SEMA3A: variants seen among roughly 807,000 people sequenced by gnomAD.
SEMA3A encodes semaphorin-3A.
SEMA3A carries 29 observed loss-of-function variants against 97.9 expected under a neutral mutation model. The ratio of observed to expected loss-of-function variants is 0.30; its 90% CI spans 0.22 to 0.40. The LOEUF is 0.40. SEMA3A is among the 10% of genes least tolerant of loss of function. SEMA3A has a pLI of 1.00. For synonymous variants in SEMA3A, 321 were observed against 323.7 expected, an observed-to-expected ratio of 0.99 and a Z score of 0.09; for missense variants, 763 against 951.3, an observed-to-expected ratio of 0.80 and a Z score of 2.60.
intron 3 of SEMA3A, among the ~76,000 whole-genome samples, chr7:84,283,385 T>A (rs1343954595): frequency 4.6e-5 from 7 of 152,148 alleles, no homozygotes; most frequent in Admixed American, 4.6e-4. Flanking sequence ...TTCTCCTCAA[T>A]ATTTCTGTTC....
chr7:83,958,184 A>G lies in SEMA3A; in HGVS notation c.*3187T>C, dbSNP rs1788339413. The G allele has an allele frequency of 6.6e-6, 1 of 152,342 alleles. No individual in the cohort carries two copies. The highest frequency in any genetic ancestry group is 2.4e-5 in the African/African-American group (1 of 41,444). The allele number at this position is 152,342 out of a possible 1,614,324, so 9.4% of individuals were successfully genotyped here. A position where few individuals can be genotyped will look rare whatever the true frequency, so the allele number is the denominator to read the frequency against. On this transcript the variant is annotated 3_prime_UTR_variant, in exon 17 of 17. Coordinates refer to ENST00000265362, the MANE Select transcript of SEMA3A (RefSeq NM_006080.3). ...TAATTTAAAGGGCATAAAAATTCAC[A>G]TCATCACCATAAATATAGAACCCAG...
At chr7:84,403,844 G>C (rs2116222456) in intron 1 of SEMA3A, among the ~76,000 whole-genome samples, 1 of 152,288 alleles carries the variant, frequency 6.6e-6, no homozygotes, top group Admixed American at 6.5e-5. Context: ...CTGACTGTTA[G>C]AAGGAAAACT....
chr7:84,147,147 C>T (rs1434690792), intron 1 of SEMA3A, among the ~76,000 whole-genome samples: 1 of 152,046 alleles, frequency 6.6e-6, no homozygotes, highest in African/African-American at 2.4e-5. Flanking sequence ...CTACATTTTC[C>T]AGTAACAAAA....
At chr7:83,998,894 A>G (rs1284637659) in intron 12 of SEMA3A, among the ~76,000 whole-genome samples, 1 of 152,124 alleles carries the variant, frequency 6.6e-6, no homozygotes, top group Admixed American at 6.6e-5. Flanking sequence ...TCACCTCCAC[A>G]TCTTGTCCTA....
At position 84,312,921 on chromosome 7, in the gene SEMA3A, TACACAC is replaced by T. The variant is rs1323561552; in HGVS notation, c.-168-5635_-168-5630del. On this transcript the variant is annotated intron_variant, in intron 2 of 3. Coordinates refer to the SEMA3A transcript ENST00000424555. ...ATATATATATATATATATATATATA[TACACAC>T]ACACACACACACACACGTACACACA... Among the ~76,000 whole-genome samples, 31 of 32,886 alleles carry T rather than the reference TACACAC, an allele frequency of 9.4e-4. 1 individual carries two copies. Among genetic ancestry groups the T allele is most frequent in the East Asian group, 6.1e-3 (8 of 1,318 alleles). The allele number at this position is 32,886 out of a possible 152,430, so 21.6% of individuals were successfully genotyped here. A position where few individuals can be genotyped will look rare whatever the true frequency, so the allele number is the denominator to read the frequency against.
intron 2 of SEMA3A, among the ~76,000 whole-genome samples, chr7:84,326,380 T>C (rs1309970455): frequency 6.6e-6 from 1 of 152,096 alleles, no homozygotes; most frequent in Non-Finnish European, 1.5e-5. Context: ...ACAATAAATA[T>C]TTTCTTGAAT....
intron 2 of SEMA3A, among the ~76,000 whole-genome samples, chr7:84,342,034 G>A (rs1027469849): frequency 6.6e-6 from 1 of 151,446 alleles, no homozygotes; most frequent in Non-Finnish European, 1.5e-5. Flanking sequence ...TTTGTTCCTT[G>A]TCACTAATTT....
At position 84,182,034 on chromosome 7, in the gene SEMA3A, C is replaced by T. The variant is rs145784162; in HGVS notation, c.112+12441G>A. ...ATGACGTCTAGATTTCTCAGTCTGGCTTCCAAGTGTCTTCTGTTAGACAAA... is the reference window on the plus strand; with the variant it reads ...ATGACGTCTAGATTTCTCAGTCTGGTTTCCAAGTGTCTTCTGTTAGACAAA... On this transcript the variant is annotated intron_variant, in intron 1 of 16. Transcript: ENST00000265362. Among the ~76,000 whole-genome samples the T allele has an allele frequency of 1.2e-3, 183 of 152,216 alleles. 2 individuals carry two copies. The highest frequency in any genetic ancestry group is 4.4e-3 in the African/African-American group (182 of 41,560).
intron 3 of SEMA3A, among the ~76,000 whole-genome samples, chr7:84,250,663 G>A (rs1028638938): frequency 6.6e-6 from 1 of 152,146 alleles, no homozygotes; most frequent in African/African-American, 2.4e-5. Flanking sequence ...ACAAGCCAAT[G>A]TAATTTTTTT....
intron 3 of SEMA3A, among the ~76,000 whole-genome samples, chr7:84,266,663 A>G (rs1800012937): frequency 1.3e-5 from 2 of 152,216 alleles, no homozygotes; most frequent in Admixed American, 1.3e-4. Context: ...CAACTGGCAC[A>G]TAAATGGAAG....
chr7:84,260,410 A>C (rs1799820980), intron 3 of SEMA3A, among the ~76,000 whole-genome samples: 1 of 152,110 alleles, frequency 6.6e-6, no homozygotes, highest in African/African-American at 2.4e-5. Flanking sequence ...CCCGCCACCA[A>C]GTTGGTGGGG....
chr7:83,992,669 C>G (rs1163090522), intron 12 of SEMA3A, among the ~76,000 whole-genome samples: 3 of 151,240 alleles, frequency 2.0e-5, no homozygotes, highest in Non-Finnish European at 4.4e-5. Flanking sequence ...TTTGATTGCA[C>G]TGTGGTCTGA....
At chr7:84,205,487 C>T (rs1214974136) in intron 3 of SEMA3A, among the ~76,000 whole-genome samples, 3 of 152,156 alleles carry the variant, frequency 2.0e-5, no homozygotes, top group Admixed American at 1.3e-4. Context: ...TGCAAATAGA[C>T]ACTGACAAAA....
intron 7 of SEMA3A, among the ~76,000 whole-genome samples, chr7:84,012,644 TA>T (rs1270312252): frequency 6.6e-6 from 1 of 152,234 alleles, no homozygotes; most frequent in Non-Finnish European, 1.5e-5. Flanking sequence ...ATTTATATTT[TA>T]CAAACAACAC....
At chr7:84,352,411 A>T (rs1451702998) in intron 2 of SEMA3A, among the ~76,000 whole-genome samples, 1 of 151,976 alleles carries the variant, frequency 6.6e-6, no homozygotes, top group Non-Finnish European at 1.5e-5. Context: ...CAAAGAAAGG[A>T]TAAATGCTTG....
chr7:84,055,904 G>A (rs989546751), intron 5 of SEMA3A, among the ~76,000 whole-genome samples: 2 of 152,104 alleles, frequency 1.3e-5, no homozygotes, highest in African/African-American at 4.8e-5. Context: ...TAAGCCAATT[G>A]TGAAAGAAAT....
At chr7:84,271,608 G>A (rs1800155078) in intron 3 of SEMA3A, among the ~76,000 whole-genome samples, 2 of 152,104 alleles carry the variant, frequency 1.3e-5, no homozygotes, top group African/African-American at 4.8e-5. Flanking sequence ...GTTGTATCAA[G>A]TGTCTAGGTA....
intron 1 of SEMA3A, among the ~76,000 whole-genome samples, chr7:84,158,294 A>G (rs1562820702): frequency 6.6e-6 from 1 of 151,208 alleles, no homozygotes; most frequent in Non-Finnish European, 1.5e-5. Context: ...ATCTGTGACT[A>G]CAGGCGCACA....
intron 1 of SEMA3A, among the ~76,000 whole-genome samples, chr7:84,142,076 T>C (rs776411057): frequency 1.3e-5 from 2 of 152,198 alleles, no homozygotes; most frequent in Non-Finnish European, 2.9e-5. Context: ...CTTATAAAGC[T>C]TCAAAGGCAG....
Sources: allele counts gnomAD v4.1 joint callset (sites outside exome capture counted in the v4.1 genomes callset), GRCh38; gene constraint gnomAD v4.1.1; transcripts MANE v1.5; gene names NCBI Gene and HGNC (gene_info 2026-07-23, HGNC 2026-07-21).